SYN3: variants seen among roughly 807,000 people sequenced by gnomAD.
SYN3 encodes synapsin III, also known as synapsin-3.
Under a neutral mutation model 65.8 loss-of-function variants are expected in SYN3, and 35 were observed. The ratio of observed to expected loss-of-function variants is 0.53; its 90% CI spans 0.41 to 0.70. The LOEUF (loss-of-function observed/expected upper bound fraction) is 0.70, where lower values mean the gene tolerates loss of function less well. Among genes scored for constraint, SYN3 ranks in the 30% least tolerant of loss-of-function variants. The pLI is 0.00. For synonymous variants in SYN3, 270 were observed against 292.9 expected (o/e 0.92, Z 0.80); for missense variants, 680 against 749.0 (o/e 0.91, Z 1.08).
intron 7 of SYN3, among the ~76,000 whole-genome samples, chr22:32,593,047 A>G (rs41490546): frequency 0.042 from 6,376 of 152,206 alleles, 231 homozygotes; most frequent in African/African-American, 0.093. Flanking sequence ...CAGGAGGACA[A>G]TCTTCACTCC....
At chr22:32,924,963 G>A (rs886445619) in intron 4 of SYN3, among the ~76,000 whole-genome samples, 2 of 152,078 alleles carry the variant, frequency 1.3e-5, no homozygotes, top group East Asian at 3.9e-4. Flanking sequence ...ATGGTGGCAT[G>A]TGCCTGTAGT....
At chr22:32,930,461 T>A (rs2050596723) in intron 4 of SYN3, among the ~76,000 whole-genome samples, 1 of 152,100 alleles carries the variant, frequency 6.6e-6, no homozygotes, top group Non-Finnish European at 1.5e-5. Flanking sequence ...CGGTCTCGAG[T>A]ATATGTCTTT....
rs138327764 is a variant in SYN3, at chr22:32,591,601, C to T, written c.774+5073G>A. On this transcript the variant is annotated intron_variant, in intron 7 of 13. Transcript: ENST00000358763. ...CAATTCTTCAGAACATGCTTTGAAA[C>T]ATGTTGAACTCTATTATCACCACGG... Among the ~76,000 whole-genome samples the T allele has an allele frequency of 2.2e-4, 34 of 152,284 alleles. 1 individual carries two copies. Among genetic ancestry groups the T allele is most frequent in the African/African-American group, 7.5e-4 (31 of 41,552 alleles).
At chr22:32,630,230 C>G (rs1175379444) in intron 6 of SYN3, among the ~76,000 whole-genome samples, 1 of 152,062 alleles carries the variant, frequency 6.6e-6, no homozygotes, top group Non-Finnish European at 1.5e-5. Context: ...GATCTGCCCC[C>G]CTCGGCCTCC....
chr22:32,905,649 A>T (rs2049882099), intron 4 of SYN3, among the ~76,000 whole-genome samples: 1 of 152,236 alleles, frequency 6.6e-6, no homozygotes, highest in South Asian at 2.1e-4. Context: ...ATGGTCAGTA[A>T]GTCACTTATC....
intron 3 of SYN3, among the ~76,000 whole-genome samples, chr22:32,973,136 C>T (rs1008414019): frequency 6.6e-6 from 1 of 152,166 alleles, no homozygotes; most frequent in Non-Finnish European, 1.5e-5. Flanking sequence ...AAATGATTTC[C>T]CCTTTTGATC....
At chr22:32,582,137 TC>T (rs2146498799) in intron 7 of SYN3, among the ~76,000 whole-genome samples, 1 of 152,262 alleles carries the variant, frequency 6.6e-6, no homozygotes, top group African/African-American at 2.4e-5. Context: ...AAATCAGGCT[TC>T]CCTGGCTGGG....
intron 6 of SYN3, among the ~76,000 whole-genome samples, chr22:32,745,213 G>C (rs2145619288): frequency 6.6e-6 from 1 of 152,290 alleles, no homozygotes; most frequent in South Asian, 2.1e-4. Flanking sequence ...TTCCCATCCA[G>C]AGCAGATGGA....
At chr22:32,636,125 G>A (rs1028896463) in intron 6 of SYN3, among the ~76,000 whole-genome samples, 2 of 152,134 alleles carry the variant, frequency 1.3e-5, no homozygotes, top group African/African-American at 4.8e-5. Flanking sequence ...ACCACGGCCG[G>A]GCGTGGTGGC....
chr22:32,952,855 C>T (rs992371534), intron 3 of SYN3, among the ~76,000 whole-genome samples: 4 of 152,128 alleles, frequency 2.6e-5, no homozygotes, highest in African/African-American at 7.2e-5. Context: ...TCAGAACAAA[C>T]GAGTTTGAAT....
intron 6 of SYN3, among the ~76,000 whole-genome samples, chr22:32,848,905 G>A (rs2048142730): frequency 6.6e-6 from 1 of 152,146 alleles, no homozygotes; most frequent in South Asian, 2.1e-4. Context: ...TCTAAGCACT[G>A]GATACCAAGG....
At chr22:33,017,505 G>A (rs958709978) in intron 1 of SYN3, among the ~76,000 whole-genome samples, 5 of 152,144 alleles carry the variant, frequency 3.3e-5, no homozygotes, top group Non-Finnish European at 5.9e-5. Context: ...CCGTGAACAC[G>A]GGATACCTTT....
In SYN3 at chr22:32,512,815, A is replaced by G. The variant is rs2057706931; in HGVS notation, c.*877T>C. The stretch of plus-strand genomic sequence containing the variant: ...CTCTCTGGTTCCCAACAGATCCATA[A>G]AAAGGAAACGGCATTCCTGGTGGGA... On this transcript the variant is annotated 3_prime_UTR_variant, in exon 14 of 14. Transcript: ENST00000358763. The G allele has an allele frequency of 6.6e-6, 1 of 152,232 alleles. No individual in the cohort carries two copies. The highest frequency in any genetic ancestry group is 1.5e-5 in the Non-Finnish European group (1 of 68,040). The allele number at this position is 152,232 out of a possible 1,614,324, so 9.4% of individuals were successfully genotyped here.
intron 3 of SYN3, among the ~76,000 whole-genome samples, chr22:32,963,165 C>T (rs1255718421): frequency 1.3e-4 from 20 of 151,144 alleles, no homozygotes; most frequent in Admixed American, 1.1e-3. Context: ...CAATCTCTGC[C>T]TCTCGGGTTC....
At chr22:32,755,554 C>G (rs5754251) in intron 6 of SYN3, among the ~76,000 whole-genome samples, 1 of 152,080 alleles carries the variant, frequency 6.6e-6, no homozygotes, top group East Asian at 1.9e-4. Flanking sequence ...CCGAGCTCAG[C>G]GTTCTTTCCA....
At chr22:32,755,542 C>T (rs528514508) in intron 6 of SYN3, among the ~76,000 whole-genome samples, 13 of 152,226 alleles carry the variant, frequency 8.5e-5, no homozygotes, top group Non-Finnish European at 1.6e-4. Context: ...GATCTTTTGA[C>T]TCCGAGCTCA....
chr22:32,595,159 T>C (rs1205031979), intron 7 of SYN3, among the ~76,000 whole-genome samples: 1 of 152,146 alleles, frequency 6.6e-6, no homozygotes, highest in Non-Finnish European at 1.5e-5. Context: ...CTACATCCCA[T>C]TGTTGAGGCC....
intron 6 of SYN3, among the ~76,000 whole-genome samples, chr22:32,614,118 A>G (rs2059483198): frequency 6.6e-6 from 1 of 152,246 alleles, no homozygotes; most frequent in South Asian, 2.1e-4. Flanking sequence ...TCAGCTGGGC[A>G]TACAGGGAGT....
intron 6 of SYN3, among the ~76,000 whole-genome samples, chr22:32,752,270 C>T (rs576395782): frequency 5.9e-5 from 9 of 152,238 alleles, no homozygotes; most frequent in African/African-American, 1.2e-4. Context: ...AAATATAGGT[C>T]GATATCCTGC....
Sources: allele counts gnomAD v4.1 joint callset (sites outside exome capture counted in the v4.1 genomes callset), GRCh38; gene constraint gnomAD v4.1.1; transcripts MANE v1.5; gene names NCBI Gene and HGNC (gene_info 2026-07-23, HGNC 2026-07-21).